The following KIF27 variants were observed in gnomAD, a reference collection of about 807,000 sequenced individuals.
KIF27 encodes the protein kinesin family member 27.
Under a neutral mutation model 141.8 loss-of-function variants are expected in KIF27, and 84 were observed. The ratio of observed to expected loss-of-function variants is 0.59; its 90% CI spans 0.50 to 0.71. The LOEUF (loss-of-function observed/expected upper bound fraction) is 0.71. KIF27 is among the 30% of genes least tolerant of loss of function. KIF27 has a pLI of 0.00. For missense variants in KIF27, 1,306 were observed against 1,628.4 expected, an observed-to-expected ratio of 0.80 and a Z score of 3.41; for synonymous variants, 471 against 569.5, an observed-to-expected ratio of 0.83 and a Z score of 2.46.
intron 6 of KIF27, among the ~76,000 whole-genome samples, chr9:83,889,634 T>A (rs557375211): frequency 6.0e-4 from 91 of 151,650 alleles, no homozygotes; most frequent in African/African-American, 2.1e-3. Flanking sequence ...CCTGGAGAAC[T>A]GTGGTGCTGC....
In KIF27 at chr9:83,905,339, C is replaced by T. The variant is rs879539435; in HGVS notation, c.500-1321G>A. On this transcript the variant is annotated intron_variant, in intron 3 of 17. Transcript: ENST00000297814. The stretch of plus-strand genomic sequence containing the variant: ...TTCACTGTGTTAGCTAGGATGGTCT[C>T]GATCTCCTGACCTCGTGATCCACCT... Among the ~76,000 whole-genome samples the T allele has an allele frequency of 1.1e-4, 16 of 152,132 alleles. 1 individual carries two copies. Among genetic ancestry groups the T allele is most frequent in the Admixed American group, 2.0e-4 (3 of 15,280 alleles).
Position 83,903,751 on chromosome 9 carries a change from T to C in KIF27, c.767A>G (p.Asn256Ser), listed in dbSNP as rs1954189609. 6.2e-7 allele frequency: 1 copy of C among 1,614,224 alleles called. No individual in the cohort carries two copies. The highest frequency in any genetic ancestry group is 8.5e-7 in the Non-Finnish European group (1 of 1,180,040). The change falls in exon 4 of 18, where the codon AAT becomes AGT. Residue 256 changes from asparagine (N) to serine (S), a missense_variant. Asn to Ser is a conservative substitution (Grantham distance 46). This residue lies in a region of KIF27 where 533 missense variants were observed against 565.6 expected (regional missense o/e 0.94). Coordinates refer to ENST00000297814, the MANE Select transcript of KIF27 (RefSeq NM_017576.4). ...AGSERVTKTG[N>S]TGERFKESIQ... is the part of the protein sequence containing the mutation. ...GGATTCTTTGAACCGTTCACCAGTA[T>C]TCCCCGTTTTGGTTACTCTTTCTGA... is the stretch of plus-strand genomic sequence containing the variant.
At chr9:83,919,622 C>T (rs1956054731) in intron 1 of KIF27, among the ~76,000 whole-genome samples, 2 of 151,402 alleles carry the variant, frequency 1.3e-5, no homozygotes, top group African/African-American at 4.8e-5. Context: ...TGGCCCAGCA[C>T]GGTGGTTCAC....
chr9:83,919,667 G>C (rs960373227), intron 1 of KIF27, among the ~76,000 whole-genome samples: 14 of 151,098 alleles, frequency 9.3e-5, no homozygotes, highest in African/African-American at 3.4e-4. Context: ...GGCCAGGGCG[G>C]GTGGATCACT....
intron 13 of KIF27, among the ~76,000 whole-genome samples, chr9:83,865,556 C>CA (rs1279425705): frequency 6.6e-6 from 1 of 152,194 alleles, no homozygotes; most frequent in Non-Finnish European, 1.5e-5. Context: ...CTTGGCCTCC[C>CA]AAAGTGCTGG....
intron 6 of KIF27, among the ~76,000 whole-genome samples, chr9:83,890,198 C>T (rs984610156): frequency 5.3e-5 from 8 of 152,076 alleles, no homozygotes; most frequent in African/African-American, 1.9e-4. Flanking sequence ...CTAAAAAATC[C>T]TACCTGATTC....
chr9:83,894,116 C>A (rs1952941211), intron 5 of KIF27, among the ~76,000 whole-genome samples: 1 of 152,096 alleles, frequency 6.6e-6, no homozygotes, highest in African/African-American at 2.4e-5. Flanking sequence ...ATAAAACATA[C>A]CCCCAAAGAA....
At chr9:83,852,122 A>G (rs982829396) in intron 15 of KIF27, among the ~76,000 whole-genome samples, 1 of 145,264 alleles carries the variant, frequency 6.9e-6, no homozygotes, top group South Asian at 2.2e-4. Flanking sequence ...CATCTCAGGG[A>G]AAAAAAAAAT....
intron 13 of KIF27, chr9:83,859,859 G>A (rs1361930922): frequency 1.3e-5 from 2 of 151,250 alleles, no homozygotes; most frequent in African/African-American, 2.4e-5. Flanking sequence ...AAAATCTTAA[G>A]TTGAATGCCT....
chr9:83,894,211 G>C (rs564809024), intron 5 of KIF27, among the ~76,000 whole-genome samples: 5 of 152,142 alleles, frequency 3.3e-5, no homozygotes, highest in Middle Eastern at 3.2e-3. Context: ...ACCTTTCCAG[G>C]TATAGGGGGA....
At chr9:83,919,793 G>A (rs1358376072) in intron 1 of KIF27, among the ~76,000 whole-genome samples, 2 of 151,764 alleles carry the variant, frequency 1.3e-5, no homozygotes, top group Non-Finnish European at 2.9e-5. Flanking sequence ...TACTCAGAAG[G>A]CTGAAGCGAG....
intron 5 of KIF27, among the ~76,000 whole-genome samples, chr9:83,892,947 T>C (rs1257056093): frequency 6.6e-6 from 1 of 152,120 alleles, no homozygotes; most frequent in Non-Finnish European, 1.5e-5. Flanking sequence ...TCCAAAATTA[T>C]AGTAGGGCTG....
chr9:83,838,779 G>C (rs1401916897), intron 17 of KIF27: 1 of 152,226 alleles, frequency 6.6e-6, no homozygotes, highest in Admixed American at 6.5e-5. Flanking sequence ...TTAGATGACT[G>C]CTGCAGTCCC....
chr9:83,869,506 C>T (rs1435901360), intron 12 of KIF27, among the ~76,000 whole-genome samples: 5 of 152,040 alleles, frequency 3.3e-5, no homozygotes, highest in Non-Finnish European at 1.5e-5. Flanking sequence ...GAGGCCGAGG[C>T]GGGCAGATCA....
At chr9:83,848,146 C>CATATATATGATATATA (rs1947713451) in intron 16 of KIF27, among the ~76,000 whole-genome samples, 2 of 44,780 alleles carry the variant, frequency 4.5e-5, no homozygotes, top group Non-Finnish European at 8.2e-5. Context: ...TATGATATAT[C>CATATATATGATATATA]TGATATATCA....
Position 83,883,863 on chromosome 9 carries a change from A to G in KIF27, c.2395T>C (p.Leu799=), listed in dbSNP as rs1554785450. 3 of 1,613,308 alleles carry G rather than the reference A, an allele frequency of 1.9e-6. No homozygotes were observed. Among genetic ancestry groups the G allele is most frequent in the Non-Finnish European group, 2.5e-6 (3 of 1,179,504 alleles). Residue 799 remains leucine, a synonymous_variant, in exon 10 of 18, where the codon TTA becomes CTA. Coordinates refer to ENST00000297814, the MANE Select transcript of KIF27 (RefSeq NM_017576.4). ...ATCTTTTTACGAAACTCTTTCTGTA[A>G]TTTTACCTTCATTGCAACATCAGAA... is the stretch of plus-strand genomic sequence containing the variant. The part of the protein sequence containing the change: ...DLSDVAMKVK[L]QKEFRKKMDA...
At chr9:83,862,971 CTGTT>C (rs1486421313) in intron 13 of KIF27, among the ~76,000 whole-genome samples, 4 of 152,086 alleles carry the variant, frequency 2.6e-5, no homozygotes, top group Admixed American at 6.6e-5. Context: ...ATTGGGCTCT[CTGTT>C]TGTCTGTTAT....
intron 12 of KIF27, 63 bp from the exon 13 acceptor site, chr9:83,867,923 T>A: frequency 6.9e-7 from 1 of 1,439,042 alleles, no homozygotes; most frequent in East Asian, 2.4e-5. Context: ...TATATGGTAA[T>A]AATAGAATTT....
In KIF27 at chr9:83,883,824, G is replaced by C. The variant is rs879022136; in HGVS notation, c.2434C>G (p.Leu812Val). The C allele has an allele frequency of 6.2e-7, 1 of 1,608,772 alleles. No individual in the cohort carries two copies. The change falls in exon 10 of 18, where the codon CTG (leucine) becomes GTG (valine). Residue 812 changes from leucine to valine, a missense_variant. This residue lies in a region of KIF27 where 596 missense variants were observed against 751.6 expected (regional missense o/e 0.79). Coordinates refer to ENST00000297814, the MANE Select transcript of KIF27 (RefSeq NM_017576.4). ...EFRKKMDAAK[L>V]RVQVLQKKQQ... ...ATTTTTTAAATTACCTGAACTCTCAGCTTTGCAGCATCCATCTTTTTACGA... is the reference window on the plus strand; with the variant it reads ...ATTTTTTAAATTACCTGAACTCTCACCTTTGCAGCATCCATCTTTTTACGA...
Sources: allele counts gnomAD v4.1 joint callset (sites outside exome capture counted in the v4.1 genomes callset), GRCh38; gene constraint gnomAD v4.1.1; regional missense constraint gnomAD v4.1.1; transcripts MANE v1.5; gene names NCBI Gene and HGNC (gene_info 2026-07-23, HGNC 2026-07-21).